Variants in KRT8 observed in about 807,000 individuals in gnomAD.
KRT8 encodes keratin, type II cytoskeletal 8.
In KRT8, 24 loss-of-function variants were observed where a neutral mutation model predicts 43.0. The observed-to-expected ratio is 0.56, with a 90% confidence interval of 0.40 to 0.78. The LOEUF (loss-of-function observed/expected upper bound fraction) is 0.78. Among genes scored for constraint, KRT8 ranks in the 30% least tolerant of loss-of-function variants. The probability of loss-of-function intolerance (pLI) is 0.00; values close to 1 mark genes in which losing one functional copy is unlikely to be tolerated. For missense variants in KRT8, 492 were observed against 638.4 expected, an observed-to-expected ratio of 0.77 and a Z score of 2.47; for synonymous variants, 214 against 261.2, an observed-to-expected ratio of 0.82 and a Z score of 1.74.
intron 2 of KRT8, among the ~76,000 whole-genome samples, chr12:52,929,001 G>A (rs1413251511): frequency 6.6e-6 from 1 of 152,056 alleles, no homozygotes; most frequent in Non-Finnish European, 1.5e-5. Context: ...TTCCCAAGAG[G>A]GGAGACCATA....
At chr12:52,933,180 A>G (rs999974444) in intron 2 of KRT8, among the ~76,000 whole-genome samples, 3 of 152,170 alleles carry the variant, frequency 2.0e-5, no homozygotes, top group Non-Finnish European at 4.4e-5. Flanking sequence ...TCCTGACCTC[A>G]GGCAATCTGC....
At chr12:52,931,234 A>C (rs2120697045) in intron 2 of KRT8, among the ~76,000 whole-genome samples, 1 of 151,860 alleles carries the variant, frequency 6.6e-6, no homozygotes, top group African/African-American at 2.4e-5. Context: ...AGCCTGGCTA[A>C]TTTTTTGCAT....
In KRT8 at chr12:52,905,052, C is replaced by T. The variant is rs1402350743; in HGVS notation, c.-71G>A. 3 of 1,538,866 alleles carry T rather than the reference C, an allele frequency of 1.9e-6. No homozygotes were observed. In the African/African-American group the frequency reaches 4.1e-5, roughly 21 times the overall value. On this transcript the variant is annotated 5_prime_UTR_variant, in exon 1 of 8. Transcript: ENST00000692008. ...CCTAGAAGGAGCGGAGAAGCTGCTT[C>T]TTGGTGAGGAGAGCTCTCAGGAATG...
In KRT8 at chr12:52,904,652, C is replaced by G. The variant is rs754712408; in HGVS notation, c.324+6G>C. The G allele has an allele frequency of 1.6e-5, 25 of 1,612,066 alleles. No individual in the cohort carries two copies. Among genetic ancestry groups the G allele is most frequent in the Non-Finnish European group, 2.1e-5 (25 of 1,179,756 alleles). The stretch of plus-strand genomic sequence containing the variant: ...GCACAGTCAGCCACGCAGGGGGGAC[C>G]CTCACCTTGTCTATGAAGGAGGCAA... On this transcript the variant is annotated splice_donor_region_variant and intron_variant, in intron 1 of 7. Transcript: ENST00000692008.
At chr12:52,933,815 G>A (rs1942122755) in intron 2 of KRT8, among the ~76,000 whole-genome samples, 1 of 151,592 alleles carries the variant, frequency 6.6e-6, no homozygotes, top group African/African-American at 2.4e-5. Context: ...AGTAGAGACG[G>A]GGTTTCACCA....
intron 2 of KRT8, among the ~76,000 whole-genome samples, chr12:52,932,926 AT>A (rs1485068590): frequency 1.3e-5 from 2 of 152,018 alleles, no homozygotes; most frequent in African/African-American, 4.8e-5. Context: ...ACAAAATTAC[AT>A]TTTTTGTGTG....
chr12:52,915,818 G>A (rs185704952), intron 2 of KRT8, among the ~76,000 whole-genome samples: 2 of 152,304 alleles, frequency 1.3e-5, no homozygotes, highest in East Asian at 3.9e-4. Flanking sequence ...ATAAAGACGT[G>A]GAACCAGAGA....
intron 4 of KRT8, 52 bp downstream of exon 4, chr12:52,900,536 G>A: frequency 8.6e-7 from 1 of 1,161,996 alleles, no homozygotes; most frequent in Non-Finnish European, 1.3e-6. Context: ...TCTCAGGGTG[G>A]AGGCGCTGAC....
Position 52,936,747 on chromosome 12 carries a change from T to G in KRT8, c.-47+12709A>C, listed in dbSNP as rs537685345. Reference sequence around the variant, plus strand: ...TCAGGCTGGTCTTGAACTCCCAACCTCAGGTGATCCGCCCGTCTTGGCCTC... The same window carrying G: ...TCAGGCTGGTCTTGAACTCCCAACCGCAGGTGATCCGCCCGTCTTGGCCTC... On this transcript the variant is annotated intron_variant, in intron 2 of 6. Transcript: ENST00000546826. 4.3e-4 allele frequency among the ~76,000 whole-genome samples: 65 copies of G among 152,232 alleles called. 1 individual carries two copies. The highest frequency in any genetic ancestry group is 2.1e-4 in the South Asian group (1 of 4,822).
At chr12:52,913,467 TGATGATAAGCA>T (rs1941674975) in intron 2 of KRT8, among the ~76,000 whole-genome samples, 1 of 152,222 alleles carries the variant, frequency 6.6e-6, no homozygotes, top group Non-Finnish European at 1.5e-5. Context: ...CAGAGGTGCA[TGATGATAAGCA>T]GGTGTTTTTG....
intron 1 of KRT8, among the ~76,000 whole-genome samples, chr12:52,904,086 C>A (rs751419012): frequency 6.6e-6 from 1 of 151,828 alleles, no homozygotes; most frequent in Non-Finnish European, 1.5e-5. Flanking sequence ...GAGACACCCA[C>A]TTCCTTCTCC....
intron 2 of KRT8, among the ~76,000 whole-genome samples, chr12:52,925,813 A>G (rs1941978154): frequency 6.6e-6 from 1 of 152,144 alleles, no homozygotes; most frequent in East Asian, 1.9e-4. Context: ...CCAGCCCTCT[A>G]TCTTAGAGGA....
At chr12:52,904,892 A>T (rs1365658964) in exon 1 of KRT8, 1 of 1,612,724 alleles carries the variant, frequency 6.2e-7, no homozygotes, top group Non-Finnish European at 8.5e-7. Flanking sequence ...TGATGCGGGA[A>T]CCGGGCCCAC....
At chr12:52,902,590 G>A (rs1338139750) in intron 1 of KRT8, among the ~76,000 whole-genome samples, 1 of 152,068 alleles carries the variant, frequency 6.6e-6, no homozygotes, top group Non-Finnish European at 1.5e-5. Flanking sequence ...GGGTTTCACC[G>A]TCTTAGGCAG....
At chr12:52,922,117 C>T (rs1377029670) in intron 2 of KRT8, among the ~76,000 whole-genome samples, 5 of 132,954 alleles carry the variant, frequency 3.8e-5, no homozygotes, top group African/African-American at 1.4e-4. Context: ...GAGTTTGAGG[C>T]TGTAGTGTAC....
chr12:52,905,179 A>C, upstream of KRT8: 1 of 999,862 alleles, frequency 1.0e-6, no homozygotes, highest in Non-Finnish European at 1.4e-6. Flanking sequence ...GTCACCTGCC[A>C]CCTCCGGGCA....
intron 1 of KRT8, chr12:52,949,676 C>A (rs747107527): frequency 4.3e-6 from 5 of 1,174,340 alleles, no homozygotes; most frequent in Admixed American, 4.0e-5. Context: ...ATTCCATAAC[C>A]ACCCAACCCC....
At chr12:52,907,769 T>C (rs1356852702), upstream of KRT8, among the ~76,000 whole-genome samples, 1 of 152,146 alleles carries the variant, frequency 6.6e-6, no homozygotes, top group African/African-American at 2.4e-5. Context: ...AAGCACAGCC[T>C]CGGTGCAGGA....
At chr12:52,924,039 G>T (rs1221370484) in intron 2 of KRT8, among the ~76,000 whole-genome samples, 1 of 151,812 alleles carries the variant, frequency 6.6e-6, no homozygotes, top group Non-Finnish European at 1.5e-5. Context: ...TAGAGACGGG[G>T]TTTTACCATG....
Sources: allele counts gnomAD v4.1 joint callset (sites outside exome capture counted in the v4.1 genomes callset), GRCh38; gene constraint gnomAD v4.1.1; transcripts MANE v1.5; gene names NCBI Gene and HGNC (gene_info 2026-07-23, HGNC 2026-07-21).